TMEM108: variants seen among roughly 807,000 people sequenced by gnomAD.
The protein encoded by TMEM108 is transmembrane protein 108.
TMEM108 carries 12 observed loss-of-function variants against 35.1 expected under a neutral mutation model. The observed-to-expected ratio is 0.34, with a 90% CI of 0.22 to 0.55. TMEM108 has a LOEUF of 0.55. Ranked by LOEUF, TMEM108 falls within the 20% of genes least tolerant of loss-of-function variation. The pLI, the probability that TMEM108 is intolerant of heterozygous loss-of-function variation, is 0.89. For missense variants in TMEM108, 680 were observed against 753.3 expected (o/e 0.90, Z 1.14); for synonymous variants, 287 against 308.6 (o/e 0.93, Z 0.73).
intron 4 of TMEM108, chr3:133,388,284 A>T (rs2073184247): frequency 1.0e-6 from 1 of 984,712 alleles, no homozygotes; most frequent in African/African-American, 1.7e-5. Context: ...ACACCAGAGA[A>T]GGGGACAGGG....
chr3:133,164,467 G>A (rs1451483412), intron 2 of TMEM108, among the ~76,000 whole-genome samples: 1 of 152,154 alleles, frequency 6.6e-6, no homozygotes, highest in Admixed American at 6.5e-5. Flanking sequence ...CTTTGTATTG[G>A]AGCTGGAATG....
intron 3 of TMEM108, among the ~76,000 whole-genome samples, chr3:133,316,910 A>G (rs997940536): frequency 6.6e-6 from 1 of 152,252 alleles, no homozygotes; most frequent in African/African-American, 2.4e-5. Context: ...ATACCAAGCC[A>G]GAAGATAGAG....
At chr3:133,159,253 G>A (rs1466142743) in intron 2 of TMEM108, among the ~76,000 whole-genome samples, 1 of 152,102 alleles carries the variant, frequency 6.6e-6, no homozygotes, top group Non-Finnish European at 1.5e-5. Flanking sequence ...ATACTTCATG[G>A]TTTTCCAACT....
At chr3:133,282,668 T>C (rs1325944907) in intron 3 of TMEM108, among the ~76,000 whole-genome samples, 1 of 152,214 alleles carries the variant, frequency 6.6e-6, no homozygotes, top group Non-Finnish European at 1.5e-5. Flanking sequence ...CATTTGCCCA[T>C]CATAATTTTA....
At chr3:133,363,544 G>A (rs149670723) in intron 3 of TMEM108, among the ~76,000 whole-genome samples, 15 of 151,824 alleles carry the variant, frequency 9.9e-5, no homozygotes, top group Non-Finnish European at 1.9e-4. Flanking sequence ...TAACTGGGAC[G>A]ACAGGTGCGC....
At chr3:133,226,599 G>C (rs2107650130) in intron 2 of TMEM108, among the ~76,000 whole-genome samples, 1 of 152,256 alleles carries the variant, frequency 6.6e-6, no homozygotes, top group East Asian at 1.9e-4. Context: ...AATAAGGCAT[G>C]TCTGGCCCCC....
intron 3 of TMEM108, chr3:133,303,429 C>T (rs1175170260): frequency 6.6e-6 from 1 of 152,120 alleles, no homozygotes; most frequent in African/African-American, 2.4e-5. Flanking sequence ...TTTCCATAAA[C>T]AATTCTTTTC....
chr3:133,350,473 G>A (rs1486193835), intron 3 of TMEM108, among the ~76,000 whole-genome samples: 1 of 152,068 alleles, frequency 6.6e-6, no homozygotes, highest in Non-Finnish European at 1.5e-5. Flanking sequence ...AAATGCATGA[G>A]GTAATAGATA....
intron 3 of TMEM108, among the ~76,000 whole-genome samples, chr3:133,324,916 C>A (rs1305547021): frequency 6.6e-6 from 1 of 152,172 alleles, no homozygotes; most frequent in Non-Finnish European, 1.5e-5. Context: ...ACGGAGGTTA[C>A]AGTGAGCTGA....
chr3:133,057,447 A>ATATATATATATATATG (rs1943481861), intron 2 of TMEM108, among the ~76,000 whole-genome samples: 1 of 25,458 alleles, frequency 3.9e-5, no homozygotes, highest in African/African-American at 1.0e-4. Context: ...ATATATATAT[A>ATATATATATATATATG]TATATATATA....
intron 2 of TMEM108, among the ~76,000 whole-genome samples, chr3:133,081,473 A>T (rs1232943749): frequency 6.6e-6 from 1 of 152,176 alleles, no homozygotes; most frequent in Non-Finnish European, 1.5e-5. Context: ...AAATACTATC[A>T]CATTAGGGCT....
intron 2 of TMEM108, among the ~76,000 whole-genome samples, chr3:133,061,212 C>CTTTTTTT (rs778632376): frequency 7.7e-6 from 1 of 130,008 alleles, no homozygotes; most frequent in East Asian, 2.2e-4. Context: ...GGCATGTCTC[C>CTTTTTTT]TTTTTTTTTT....
intron 2 of TMEM108, among the ~76,000 whole-genome samples, chr3:133,103,084 G>A (rs1033685511): frequency 1.3e-5 from 2 of 152,104 alleles, no homozygotes; most frequent in African/African-American, 4.8e-5. Context: ...CCATTATTAG[G>A]TATATACCCA....
intron 3 of TMEM108, among the ~76,000 whole-genome samples, chr3:133,318,184 C>G (rs914076498): frequency 1.5e-4 from 23 of 152,148 alleles, no homozygotes; most frequent in African/African-American, 5.6e-4. Flanking sequence ...AAGTGACACA[C>G]CAAGTAGTGT....
At chr3:133,371,833 C>T (rs1041521580) in intron 3 of TMEM108, among the ~76,000 whole-genome samples, 1 of 152,148 alleles carries the variant, frequency 6.6e-6, no homozygotes, top group African/African-American at 2.4e-5. Context: ...AGCCTAGGTG[C>T]TAGACTAGAT....
chr3:133,047,721 C>G (rs1943357283), intron 2 of TMEM108, among the ~76,000 whole-genome samples: 1 of 151,878 alleles, frequency 6.6e-6, no homozygotes, highest in Admixed American at 6.6e-5. Context: ...TATAGTGATT[C>G]AATCTTGCTC....
chr3:133,243,107 G>A (rs1946335715), intron 3 of TMEM108, among the ~76,000 whole-genome samples: 1 of 152,212 alleles, frequency 6.6e-6, no homozygotes, highest in Admixed American at 6.5e-5. Flanking sequence ...GGAAGGGCTG[G>A]AAGCTCTAGA....
intron 5 of TMEM108, among the ~76,000 whole-genome samples, chr3:133,391,024 G>T (rs376005394): frequency 6.6e-6 from 1 of 152,290 alleles, no homozygotes; most frequent in East Asian, 1.9e-4. Flanking sequence ...GGAGGGTGGC[G>T]TAGAGGCCAG....
At chr3:133,300,030 A>G (rs942254698) in intron 3 of TMEM108, among the ~76,000 whole-genome samples, 2 of 152,190 alleles carry the variant, frequency 1.3e-5, no homozygotes, top group Admixed American at 6.5e-5. Flanking sequence ...AGAGGCCTCA[A>G]TGAAGTGTGT....
Sources: allele counts gnomAD v4.1 joint callset (sites outside exome capture counted in the v4.1 genomes callset), GRCh38; gene constraint gnomAD v4.1.1; transcripts MANE v1.5; gene names NCBI Gene and HGNC (gene_info 2026-07-23, HGNC 2026-07-21).